Variants in TSHR observed in about 807,000 individuals in gnomAD.
TSHR encodes thyroid stimulating hormone receptor, also known as thyrotropin receptor.
In TSHR, 51 loss-of-function variants were observed where a neutral mutation model predicts 64.1. The ratio of observed to expected loss-of-function variants is 0.80; its 90% CI spans 0.64 to 1.01. TSHR has a LOEUF of 1.01. Ranked by LOEUF, TSHR falls within the 50% of genes least tolerant of loss-of-function variation. The pLI is 0.00. For missense variants in TSHR, 877 were observed against 942.8 expected (o/e 0.93, Z 0.91); for synonymous variants, 361 against 361.9 (o/e 1.00, Z 0.03).
intron 6 of TSHR, chr14:81,093,677 A>C (rs1888934511): frequency 6.6e-6 from 1 of 152,204 alleles, no homozygotes; most frequent in South Asian, 2.1e-4. Flanking sequence ...AGTTACCTCA[A>C]CTTCTGAGAG....
At chr14:80,989,007 T>A (rs1888604973) in intron 1 of TSHR, among the ~76,000 whole-genome samples, 1 of 152,206 alleles carries the variant, frequency 6.6e-6, no homozygotes, top group African/African-American at 2.4e-5. Flanking sequence ...TTTCTACCAG[T>A]TAGACATTTC....
chr14:81,118,926 G>A (rs1215930896), intron 8 of TSHR, among the ~76,000 whole-genome samples: 1 of 147,962 alleles, frequency 6.8e-6, no homozygotes, highest in African/African-American at 2.6e-5. Context: ...AAGCAATGGG[G>A]AAAGGATTCC....
intron 9 of TSHR, among the ~76,000 whole-genome samples, chr14:81,141,492 T>C (rs1891685676): frequency 6.6e-6 from 1 of 152,218 alleles, no homozygotes. Flanking sequence ...TATGGTAGTG[T>C]CCATTTGTTC....
At position 81,103,266 on chromosome 14, in the gene TSHR, A is replaced by C; in HGVS notation, c.615-5109A>C. 2.0e-6 allele frequency: 2 copies of C among 985,448 alleles called. No homozygotes were observed. Among genetic ancestry groups the C allele is most frequent in the Non-Finnish European group, 2.4e-6 (2 of 829,928 alleles). The allele number at this position is 985,448 out of a possible 1,614,324, so 61.0% of individuals were successfully genotyped here. A position where few individuals can be genotyped will look rare whatever the true frequency, so the allele number is the denominator to read the frequency against. On this transcript the variant is annotated intron_variant, in intron 7 of 9. Coordinates refer to ENST00000298171, the MANE Select transcript of TSHR (RefSeq NM_000369.5). This position sits in a 1 kb window ranked among gnomAD's most constrained non-coding sequence, Gnocchi z 4.1. Reference sequence around the variant, plus strand: ...GCTAATTAAGATTTTAAACTAAGGCAAACACATCAATCTCCTGTAATTATC... The same window carrying C: ...GCTAATTAAGATTTTAAACTAAGGCCAACACATCAATCTCCTGTAATTATC...
chr14:81,096,703 G>A lies in TSHR; in HGVS notation c.610G>A (p.Ala204Thr). The change falls in exon 7 of 10, where the codon GCT (alanine) becomes ACT (threonine). Residue 204 changes from alanine to threonine, a missense_variant. By Grantham distance (58) the Ala-to-Thr change is moderately conservative. Coordinates refer to ENST00000298171, the MANE Select transcript of TSHR (RefSeq NM_000369.5). ...GYAFNGTKLDAVYLNKNKYLT... is the reference protein window; with the variant it reads ...GYAFNGTKLDTVYLNKNKYLT... ...TGCTTTCAATGGGACAAAGCTGGATGCTGTGTAAGTCAAGGGTAGCCATGA... is the reference window on the plus strand; with the variant it reads ...TGCTTTCAATGGGACAAAGCTGGATACTGTGTAAGTCAAGGGTAGCCATGA... 6.2e-7 allele frequency: 1 copy of A among 1,613,538 alleles called. No homozygotes were observed. Among genetic ancestry groups the A allele is most frequent in the Non-Finnish European group, 8.5e-7 (1 of 1,179,600 alleles).
intron 5 of TSHR, among the ~76,000 whole-genome samples, chr14:81,092,161 T>A (rs2075174): frequency 0.22 from 33,129 of 152,128 alleles, 4,842 homozygotes; most frequent in African/African-American, 0.41. Flanking sequence ...AATCCTTTTA[T>A]CCTGACCTTC....
intron 3 of TSHR, among the ~76,000 whole-genome samples, chr14:81,083,678 GA>G (rs553463725): frequency 6.6e-6 from 1 of 151,834 alleles, no homozygotes; most frequent in East Asian, 1.9e-4. Flanking sequence ...TCCCTCAGGT[GA>G]AAAAAAAGTA....
At chr14:80,985,423 C>G (rs935182796) in intron 1 of TSHR, among the ~76,000 whole-genome samples, 12 of 152,276 alleles carry the variant, frequency 7.9e-5, no homozygotes, top group African/African-American at 2.6e-4. Flanking sequence ...CCGGCTAACA[C>G]GACAGAATAA....
chr14:81,109,107 T>C (rs1385065378), intron 8 of TSHR, among the ~76,000 whole-genome samples: 2 of 152,132 alleles, frequency 1.3e-5, no homozygotes, highest in African/African-American at 4.8e-5. Flanking sequence ...TCCACTCTAG[T>C]CCTTGCCAAA....
intron 1 of TSHR, among the ~76,000 whole-genome samples, chr14:80,996,921 G>A (rs995269360): frequency 6.6e-6 from 1 of 152,040 alleles, no homozygotes; most frequent in African/African-American, 2.4e-5. Flanking sequence ...AACCTAATAT[G>A]AAATCATTAA....
At chr14:81,124,299 C>A (rs762259803) in intron 8 of TSHR, among the ~76,000 whole-genome samples, 14 of 151,832 alleles carry the variant, frequency 9.2e-5, no homozygotes, top group African/African-American at 2.9e-4. Flanking sequence ...GAGTCCTTAC[C>A]GGCATGCCTG....
intron 2 of TSHR, among the ~76,000 whole-genome samples, chr14:81,065,276 T>C (rs571258462): frequency 6.6e-6 from 1 of 152,250 alleles, no homozygotes; most frequent in African/African-American, 2.4e-5. Context: ...GGAGCCCTTT[T>C]TTACTTAGCT....
At position 81,026,943 on chromosome 14, in the gene TSHR, G is replaced by A. The variant is rs191906958; in HGVS notation, c.171-35205G>A. ...CCCAGCTATTTGGGAGGCTGAGGCA[G>A]GGGAATCACTTGAACCTGGGAGGCG... is the stretch of plus-strand genomic sequence containing the variant. On this transcript the variant is annotated intron_variant, in intron 1 of 9. Coordinates refer to ENST00000298171, the MANE Select transcript of TSHR (RefSeq NM_000369.5). Among the ~76,000 whole-genome samples the A allele has an allele frequency of 5.4e-3, 826 of 151,958 alleles. 10 individuals carry two copies. Among genetic ancestry groups the A allele is most frequent in the Middle Eastern group, 0.031 (9 of 292 alleles).
At chr14:80,997,003 T>C (rs943697568) in intron 1 of TSHR, among the ~76,000 whole-genome samples, 5 of 152,156 alleles carry the variant, frequency 3.3e-5, no homozygotes, top group Non-Finnish European at 5.9e-5. Context: ...CTACTACTAC[T>C]ACCACCACCA....
intron 8 of TSHR, among the ~76,000 whole-genome samples, chr14:81,122,043 TTTTTTTTTTTTTTTTTTTG>T (rs1890821620): frequency 8.7e-5 from 4 of 45,944 alleles, no homozygotes; most frequent in East Asian, 1.5e-3. Flanking sequence ...TTTTTTTTTT[TTTTTTTTTTTTTTTTTTTG>T]AGACGAAGTC....
At chr14:80,967,513 G>T (rs1272174447) in intron 1 of TSHR, among the ~76,000 whole-genome samples, 1 of 152,000 alleles carries the variant, frequency 6.6e-6, no homozygotes, top group East Asian at 1.9e-4. Flanking sequence ...TCGAACTCCT[G>T]ACCTCAGGGG....
intron 1 of TSHR, among the ~76,000 whole-genome samples, chr14:81,022,430 T>A (rs1365628296): frequency 6.6e-6 from 1 of 152,246 alleles, no homozygotes; most frequent in Admixed American, 6.5e-5. Flanking sequence ...GATTAACATT[T>A]GCATCAGCAG....
rs374606182 is a variant in TSHR at position 80,982,328 on chromosome 14, AG to A, written c.170+26480del. 2.5e-4 allele frequency: 295 copies of A among 1,187,254 alleles called. 2 individuals carry two copies. The East Asian group carries it at 7.2e-3, about 29-fold the overall frequency. The allele number at this position is 1,187,254 out of a possible 1,614,324, so 73.5% of individuals were successfully genotyped here. A position where few individuals can be genotyped will look rare whatever the true frequency, so the allele number is the denominator to read the frequency against. ...GGTATTGATGCCTGGGTCTGGGCTGAGGAAGAGGCCACTATCAATTCCTGGT... is the reference window on the plus strand; with the variant it reads ...GGTATTGATGCCTGGGTCTGGGCTGAGAAGAGGCCACTATCAATTCCTGGT... On this transcript the variant is annotated intron_variant, in intron 1 of 9. Coordinates refer to ENST00000298171, the MANE Select transcript of TSHR (RefSeq NM_000369.5).
intron 8 of TSHR, among the ~76,000 whole-genome samples, chr14:81,112,428 C>T (rs1385454164): frequency 6.6e-6 from 1 of 152,022 alleles, no homozygotes; most frequent in African/African-American, 2.4e-5. Context: ...GCTCTTTTTC[C>T]TCTATATCTT....
Sources: gnomAD v4.1 joint callset for allele counts (sites outside exome capture counted in the v4.1 genomes callset) on GRCh38, gnomAD v4.1.1 for gene constraint, Gnocchi (gnomAD v3.1) non-coding constraint, MANE v1.5 for transcripts, NCBI Gene and HGNC (gene_info 2026-07-23, HGNC 2026-07-21) for gene names.